Variants in MMP15 observed in about 807,000 individuals in gnomAD.
MMP15 encodes the protein matrix metallopeptidase 15, also known as matrix metalloproteinase-15.
In MMP15, 36 loss-of-function variants were observed where a neutral mutation model predicts 65.0. The observed-to-expected ratio is 0.55, with a 90% CI of 0.42 to 0.73. The LOEUF is 0.73. MMP15 is among the 30% of genes least tolerant of loss of function. The probability of loss-of-function intolerance (pLI) is 0.00; values close to 1 mark genes in which losing one functional copy is unlikely to be tolerated. For synonymous variants in MMP15, 428 were observed against 410.2 expected (o/e 1.04, Z -0.52); for missense variants, 870 against 987.8 (o/e 0.88, Z 1.60).
At position 58,043,607 on chromosome 16, in the gene MMP15, C is replaced by G; in HGVS notation, c.1550C>G (p.Ala517Gly). Residue 517 changes from alanine (A) to glycine (G), a missense_variant, in exon 9 of 10, where the codon GCC (alanine) becomes GGC (glycine). Transcript: ENST00000219271. ...GGGATCCCTGCCTCCCCTAAAGGGG[C>G]CTTCCTGAGCAATGACGCAGGTACC... ...WQGIPASPKG[A>G]FLSNDAAYTY... 1 of 1,611,810 alleles carries G rather than the reference C, an allele frequency of 6.2e-7. No individual in the cohort carries two copies. The highest frequency in any genetic ancestry group is 8.5e-7 in the Non-Finnish European group (1 of 1,179,178).
chr16:58,043,225 T>G lies in MMP15; in HGVS notation c.1319T>G (p.Leu440Arg). 6.3e-7 allele frequency: 1 copy of G among 1,599,234 alleles called. No individual in the cohort carries two copies. The change falls in exon 8 of 10, where the codon CTC (leucine) becomes CGC (arginine). Residue 440 changes from leucine to arginine, a missense_variant. Leu to Arg is a moderately radical substitution (Grantham distance 102, BLOSUM62 -2). Coordinates refer to ENST00000219271, the MANE Select transcript of MMP15 (RefSeq NM_002428.4). ...CCTCCTGTAGGTGACCGCTACTGGC[T>G]CTTTCGAGAAGCGAACCTGGAGCCC... Reference protein sequence around the residue: ...FVFFKGDRYWLFREANLEPGY... With the variant: ...FVFFKGDRYWRFREANLEPGY...
At position 58,026,017 on chromosome 16, in the gene MMP15, G is replaced by T; in HGVS notation, c.-334G>T. 4.9e-6 allele frequency: 1 copy of T among 203,418 alleles called. No individual in the cohort carries two copies. The highest frequency in any genetic ancestry group is 9.8e-6 in the Non-Finnish European group (1 of 101,982). The allele number at this position is 203,418 out of a possible 1,614,324, so 12.6% of individuals were successfully genotyped here. A position where few individuals can be genotyped will look rare whatever the true frequency, so the allele number is the denominator to read the frequency against. ...GCAGGGAGCGCCGCGGGACCGGGCG[G>T]CCGGAGCGCTGAGCCAGACAAAGGC... On this transcript the variant is annotated 5_prime_UTR_variant, in exon 1 of 10. Transcript: ENST00000219271.
Position 58,026,361 on chromosome 16 carries a change from A to G in MMP15, c.11A>G (p.Asp4Gly). MGSDPSAPGRPGWT... is the reference protein window; with the variant it reads MGSGPSAPGRPGWT... ...CTGGGCGCCGAGAGCATGGGCAGCG[A>G]CCCGAGCGCGCCCGGACGGCCGGGC... is the stretch of plus-strand genomic sequence containing the variant. The change falls in exon 1 of 10, where the codon GAC (aspartate) becomes GGC (glycine). Residue 4 changes from aspartate to glycine, a missense_variant. Physicochemically the swap from Asp to Gly is moderately conservative, Grantham distance 94. Transcript: ENST00000219271. The G allele has an allele frequency of 7.4e-7, 1 of 1,358,802 alleles. No individual in the cohort carries two copies. Among genetic ancestry groups the G allele is most frequent in the Non-Finnish European group, 9.4e-7 (1 of 1,062,520 alleles). The allele number at this position is 1,358,802 out of a possible 1,614,324, so 84.2% of individuals were successfully genotyped here.
chr16:58,037,555 C>T lies in MMP15; in HGVS notation c.246C>T (p.Ala82=), dbSNP rs1442830394. 1.2e-6 allele frequency: 2 copies of T among 1,614,216 alleles called. No homozygotes were observed. The highest frequency in any genetic ancestry group is 1.7e-6 in the Non-Finnish European group (2 of 1,180,036). The change falls in exon 2 of 10, where the codon GCC becomes GCT. Residue 82 remains alanine (A), a synonymous_variant. Transcript: ENST00000219271. ...GTTCCGCCCAGATCTTGGCCTCGGC[C>T]CTTGCAGAGATGCAGCGCTTCTACG... is the stretch of plus-strand genomic sequence containing the variant. ...TMRSAQILAS[A]LAEMQRFYGI...
At chr16:58,044,404 G>A (rs576692869) in intron 9 of MMP15, among the ~76,000 whole-genome samples, 3 of 152,322 alleles carry the variant, frequency 2.0e-5, no homozygotes, top group Non-Finnish European at 2.9e-5. Flanking sequence ...CTGTGATCGC[G>A]CCACTATACT....
rs1019254443 is a variant in MMP15, at chr16:58,042,315, G to A, written c.1249G>A (p.Gly417Ser). The A allele has an allele frequency of 1.1e-5, 17 of 1,614,132 alleles. No homozygotes were observed. The highest frequency in any genetic ancestry group is 8.3e-5 in the Admixed American group (5 of 60,016). ...CGGGCACTTCTGGCGTGGTCTGCCC[G>A]GTGACATCAGTGCTGCCTACGAGCG... Reference protein sequence around the residue: ...PIGHFWRGLPGDISAAYERQD... With the variant: ...PIGHFWRGLPSDISAAYERQD... Residue 417 changes from glycine (G) to serine (S), a missense_variant, in exon 7 of 10, where the codon GGT becomes AGT. By Grantham distance (56) the Gly-to-Ser change is moderately conservative. Transcript: ENST00000219271.
chr16:58,030,331 G>GT (rs1191206320), intron 1 of MMP15, among the ~76,000 whole-genome samples: 20 of 152,326 alleles, frequency 1.3e-4, no homozygotes, highest in African/African-American at 4.6e-4. Context: ...ACAGCTCTGA[G>GT]TGACGGCTCA....
chr16:58,026,219 C>T lies in MMP15; in HGVS notation c.-132C>T. ...GAATTTGCCGAGGCGACCTAGGCGG[C>T]TCCGGCGGGGACCGGGAGCCCGAGG... On this transcript the variant is annotated 5_prime_UTR_variant, in exon 1 of 10. Coordinates refer to ENST00000219271, the MANE Select transcript of MMP15 (RefSeq NM_002428.4). The T allele has an allele frequency of 3.8e-6, 4 of 1,050,610 alleles. No homozygotes were observed. Among genetic ancestry groups the T allele is most frequent in the Non-Finnish European group, 4.9e-6 (4 of 822,246 alleles). 65.1% of individuals were successfully genotyped at this position (1,050,610 alleles called of 1,614,324 possible).
chr16:58,040,444 GCT>G, intron 4 of MMP15, 91 bp from the exon 5 acceptor site: 1 of 1,461,306 alleles, frequency 6.8e-7, no homozygotes, highest in Non-Finnish European at 9.2e-7. Context: ...GCAAGGGCAG[GCT>G]CTCTGGCAGC....
At chr16:58,042,945 G>A (rs762919606) in intron 7 of MMP15, among the ~76,000 whole-genome samples, 7 of 152,302 alleles carry the variant, frequency 4.6e-5, no homozygotes, top group Middle Eastern at 3.4e-3. Context: ...CTATATGTGC[G>A]GGGGTGGATG....
rs765310950 is a variant in MMP15 at position 58,037,551 on chromosome 16, C to T, written c.242C>T (p.Ser81Leu). The T allele has an allele frequency of 6.2e-6, 10 of 1,614,210 alleles. No homozygotes were observed. The highest frequency in any genetic ancestry group is 1.3e-5 in the African/African-American group (1 of 75,068). ...STMRSAQILASALAEMQRFYG... is the reference protein window; with the variant it reads ...STMRSAQILALALAEMQRFYG... ...ATGCGTTCCGCCCAGATCTTGGCCT[C>T]GGCCCTTGCAGAGATGCAGCGCTTC... Residue 81 changes from serine to leucine, a missense_variant, in exon 2 of 10, where the codon TCG (serine) becomes TTG (leucine). Coordinates refer to ENST00000219271, the MANE Select transcript of MMP15 (RefSeq NM_002428.4).
chr16:58,041,378 C>T (rs12447804), intron 5 of MMP15, among the ~76,000 whole-genome samples: 28,237 of 152,116 alleles, frequency 0.19, 3,351 homozygotes, highest in East Asian at 0.35. Context: ...CCCAAGGGGA[C>T]ATGCAGGCAG....
chr16:58,040,052 C>T lies in MMP15; in HGVS notation c.618C>T (p.His206=), dbSNP rs759844130. The T allele has an allele frequency of 7.4e-6, 12 of 1,614,158 alleles. No homozygotes were observed. The highest frequency in any genetic ancestry group is 4.4e-5 in the South Asian group (4 of 91,090). ...DIMVLFASGF[H]GDSSPFDGTG... Reference sequence around the variant, plus strand: ...TGGTACTCTTTGCCTCTGGCTTCCACGGCGACAGCTCGCCGTTTGATGGCA... The same window carrying T: ...TGGTACTCTTTGCCTCTGGCTTCCATGGCGACAGCTCGCCGTTTGATGGCA... The change falls in exon 4 of 10, where the codon CAC becomes CAT. Residue 206 remains histidine, a synonymous_variant. Transcript: ENST00000219271.
At chr16:58,037,647 C>G (rs761470406) in intron 2 of MMP15, 27 bp downstream of exon 2, 2 of 1,613,786 alleles carry the variant, frequency 1.2e-6, no homozygotes, top group Non-Finnish European at 1.7e-6. Flanking sequence ...ATCCACACCC[C>G]ACAGGCACCT....
At chr16:58,035,857 C>T (rs1465431223) in intron 1 of MMP15, among the ~76,000 whole-genome samples, 1 of 152,228 alleles carries the variant, frequency 6.6e-6, no homozygotes, top group Non-Finnish European at 1.5e-5. Context: ...AGCAGCTGCT[C>T]CGTCTATTGG....
chr16:58,038,184 A>C (rs1489654552), intron 2 of MMP15, 82 bp from the exon 3 acceptor site: 3 of 1,563,614 alleles, frequency 1.9e-6, no homozygotes, highest in African/African-American at 2.7e-5. Context: ...GGAAGCCCGG[A>C]AGTGGCGGAA....
In MMP15 at chr16:58,046,549, C is replaced by T. The variant is rs1319509162; in HGVS notation, c.*1103C>T. ...AGCCCATTGTGGCCTAAGAGGCTGC[C>T]CTCCTGTGCTCAGCCCTGAGGACAG... On this transcript the variant is annotated 3_prime_UTR_variant, in exon 10 of 10. Transcript: ENST00000219271. The T allele has an allele frequency of 6.5e-6, 1 of 152,682 alleles. No homozygotes were observed. Among genetic ancestry groups the T allele is most frequent in the Non-Finnish European group, 1.5e-5 (1 of 68,150 alleles). 9.5% of individuals were successfully genotyped at this position (152,682 alleles called of 1,614,324 possible).
rs548529382 is a variant in MMP15, at chr16:58,027,553, G to A, written c.162+1041G>A. 5.6e-4 allele frequency among the ~76,000 whole-genome samples: 85 copies of A among 152,310 alleles called. 1 individual carries two copies. The South Asian group carries it at 6.2e-3, about 11-fold the overall frequency. ...AGGCCTTGGTGCCCTTGGGCTGCCC[G>A]GGCTGCGGGCCTGAGCGCCGTTTCT... is the stretch of plus-strand genomic sequence containing the variant. On this transcript the variant is annotated intron_variant, in intron 1 of 9. Coordinates refer to ENST00000219271, the MANE Select transcript of MMP15 (RefSeq NM_002428.4).
chr16:58,043,911 C>G (rs998170478), intron 9 of MMP15, among the ~76,000 whole-genome samples: 2 of 152,218 alleles, frequency 1.3e-5, no homozygotes, highest in Non-Finnish European at 2.9e-5. Context: ...CCAGGCCAGT[C>G]CTGCCTGCGT....
Sources: gnomAD v4.1 joint callset for allele counts (sites outside exome capture counted in the v4.1 genomes callset) on GRCh38, gnomAD v4.1.1 for gene constraint, MANE v1.5 for transcripts, NCBI Gene and HGNC (gene_info 2026-07-23, HGNC 2026-07-21) for gene names.